SEMA6D: variants seen among roughly 807,000 people sequenced by gnomAD.
The protein encoded by SEMA6D is semaphorin 6D, also known as semaphorin-6D.
Under a neutral mutation model 106.6 loss-of-function variants are expected in SEMA6D, and 35 were observed. The observed-to-expected ratio is 0.33, with a 90% confidence interval of 0.25 to 0.44. The LOEUF (loss-of-function observed/expected upper bound fraction) is 0.44, where lower values mean the gene tolerates loss of function less well. SEMA6D is among the 20% of genes least tolerant of loss of function. The pLI, the probability that SEMA6D is intolerant of heterozygous loss-of-function variation, is 1.00. For synonymous variants in SEMA6D, 499 were observed against 487.7 expected (o/e 1.02, Z -0.31); for missense variants, 1,185 against 1,345.9 (o/e 0.88, Z 1.87).
chr15:47,332,112 G>A (rs2037366067), intron 1 of SEMA6D, among the ~76,000 whole-genome samples: 1 of 152,168 alleles, frequency 6.6e-6, no homozygotes, highest in Admixed American at 6.5e-5. Flanking sequence ...CTTATCTGAA[G>A]AATGAGCGTA....
chr15:47,219,047 CA>C (rs2030942728), intron 1 of SEMA6D, among the ~76,000 whole-genome samples: 1 of 152,198 alleles, frequency 6.6e-6, no homozygotes, highest in African/African-American at 2.4e-5. Context: ...ATTGGCATTG[CA>C]ACATTTAATC....
At chr15:47,348,710 CACACACACCACACACACAG>C (rs2038157909) in intron 1 of SEMA6D, among the ~76,000 whole-genome samples, 1 of 94,878 alleles carries the variant, frequency 1.1e-5, no homozygotes, top group South Asian at 3.5e-4. Flanking sequence ...CACACACACA[CACACACACCACACACACAG>C]AGAGAGAGAG....
intron 1 of SEMA6D, among the ~76,000 whole-genome samples, chr15:47,245,223 T>G (rs909070546): frequency 2.0e-5 from 3 of 152,160 alleles, no homozygotes; most frequent in African/African-American, 7.2e-5. Context: ...ACTCAATAAT[T>G]GGGTTTCTGG....
At chr15:47,576,095 A>G (rs921787483) in intron 3 of SEMA6D, among the ~76,000 whole-genome samples, 2 of 152,216 alleles carry the variant, frequency 1.3e-5, no homozygotes, top group Non-Finnish European at 2.9e-5. Flanking sequence ...TTACTAATTG[A>G]CCATGATTTT....
intron 4 of SEMA6D, among the ~76,000 whole-genome samples, chr15:47,669,812 C>T (rs1349038164): frequency 3.3e-5 from 5 of 152,136 alleles, no homozygotes; most frequent in South Asian, 2.1e-4. Context: ...TACAACAAAC[C>T]GCCTTGAAGT....
chr15:47,700,998 A>G (rs952992587), intron 4 of SEMA6D, among the ~76,000 whole-genome samples: 1 of 152,184 alleles, frequency 6.6e-6, no homozygotes, highest in Non-Finnish European at 1.5e-5. Context: ...TTTCTATTAG[A>G]TAATATAGGA....
intron 3 of SEMA6D, among the ~76,000 whole-genome samples, chr15:47,526,484 T>A (rs1596242525): frequency 1.3e-5 from 2 of 152,090 alleles, no homozygotes; most frequent in Non-Finnish European, 2.9e-5. Flanking sequence ...TTATTAATAA[T>A]CCTCCCAAAA....
At chr15:47,471,782 T>C (rs1310915907) in intron 3 of SEMA6D, among the ~76,000 whole-genome samples, 1 of 152,094 alleles carries the variant, frequency 6.6e-6, no homozygotes, top group African/African-American at 2.4e-5. Context: ...GAGCGAGGCA[T>C]GTCTATGAAA....
chr15:47,361,658 A>G (rs371916835), intron 1 of SEMA6D, among the ~76,000 whole-genome samples: 19 of 152,122 alleles, frequency 1.2e-4, no homozygotes, highest in African/African-American at 2.4e-4. Flanking sequence ...CATTTATTCA[A>G]TGCTCAGTGC....
At chr15:47,440,205 AC>A (rs1219281486) in intron 2 of SEMA6D, among the ~76,000 whole-genome samples, 21 of 152,252 alleles carry the variant, frequency 1.4e-4, no homozygotes, top group Admixed American at 1.3e-4. Context: ...AGAGAGAAAT[AC>A]AGGGACTTGG....
chr15:47,213,853 A>G (rs2030301173), intron 1 of SEMA6D, among the ~76,000 whole-genome samples: 1 of 152,062 alleles, frequency 6.6e-6, no homozygotes, highest in Admixed American at 6.6e-5. Context: ...GCTATTGATA[A>G]AGTGTCAACA....
intron 1 of SEMA6D, among the ~76,000 whole-genome samples, chr15:47,300,843 G>A (rs540771304): frequency 6.6e-6 from 1 of 152,312 alleles, no homozygotes; most frequent in Admixed American, 6.5e-5. Context: ...TAGCCACCAA[G>A]CTCAGTCCAT....
intron 1 of SEMA6D, among the ~76,000 whole-genome samples, chr15:47,732,457 C>T (rs2080185126): frequency 6.6e-6 from 1 of 152,120 alleles, no homozygotes; most frequent in African/African-American, 2.4e-5. Context: ...AACAGATTTT[C>T]CCGGGCTCTC....
At chr15:47,638,813 C>T (rs895995659) in intron 4 of SEMA6D, among the ~76,000 whole-genome samples, 1 of 152,212 alleles carries the variant, frequency 6.6e-6, no homozygotes, top group Admixed American at 6.5e-5. Context: ...AAACCGGCTG[C>T]CTCAACTCAA....
chr15:47,629,256 A>G (rs1264102324), intron 4 of SEMA6D, among the ~76,000 whole-genome samples: 1 of 152,024 alleles, frequency 6.6e-6, no homozygotes, highest in African/African-American at 2.4e-5. Flanking sequence ...TAGCTAGGCT[A>G]AGGCTTGTGC....
At chr15:47,227,042 A>G (rs1295177800) in intron 1 of SEMA6D, among the ~76,000 whole-genome samples, 1 of 152,102 alleles carries the variant, frequency 6.6e-6, no homozygotes, top group Non-Finnish European at 1.5e-5. Context: ...AAGGTGTAAT[A>G]GGATGAATTT....
chr15:47,382,868 A>G lies in SEMA6D; in HGVS notation c.-238-29525A>G, dbSNP rs117381088. On this transcript the variant is annotated intron_variant, in intron 1 of 19. Coordinates refer to the SEMA6D transcript ENST00000558014. ...CTGTAACCTCCGGCTCCCGGGCTCA[A>G]GCGACTCTCCTGTCTCAGCCTCCTG... 5.9e-3 allele frequency among the ~76,000 whole-genome samples: 905 copies of G among 152,312 alleles called. 3 individuals carry two copies. Among genetic ancestry groups the G allele is most frequent in the East Asian group, 0.049 (251 of 5,158 alleles).
At chr15:47,659,324 ATAT>A (rs1264451220) in intron 4 of SEMA6D, among the ~76,000 whole-genome samples, 2 of 151,970 alleles carry the variant, frequency 1.3e-5, no homozygotes, top group Admixed American at 6.6e-5. Flanking sequence ...TATATGATAA[ATAT>A]TATATTAAAA....
Position 47,416,535 on chromosome 15 carries a change from A to G in SEMA6D, c.-159+4063A>G, listed in dbSNP as rs558939385. Among the ~76,000 whole-genome samples the G allele has an allele frequency of 7.9e-5, 12 of 152,306 alleles. No homozygotes were observed. In the South Asian group the frequency reaches 2.5e-3, roughly 32 times the overall value. On this transcript the variant is annotated intron_variant, in intron 2 of 19. Coordinates refer to the SEMA6D transcript ENST00000558014. Reference sequence around the variant, plus strand: ...TAGTTTGAAATCATCATAGCAGATCATACTACTAATAGTCAAACAGTGTAC... The same window carrying G: ...TAGTTTGAAATCATCATAGCAGATCGTACTACTAATAGTCAAACAGTGTAC...
Sources: gnomAD v4.1 joint callset for allele counts (sites outside exome capture counted in the v4.1 genomes callset) on GRCh38, gnomAD v4.1.1 for gene constraint, MANE v1.5 for transcripts, NCBI Gene and HGNC (gene_info 2026-07-23, HGNC 2026-07-21) for gene names.